Variants in RPS6KC1 observed in about 807,000 individuals in gnomAD.
RPS6KC1 encodes inactive ribosomal protein S6 kinase delta-1.
In RPS6KC1, 54 loss-of-function variants were observed where a neutral mutation model predicts 103.8. The observed-to-expected ratio is 0.52, with a 90% CI of 0.42 to 0.65. The LOEUF (loss-of-function observed/expected upper bound fraction) is 0.65. Among genes scored for constraint, RPS6KC1 ranks in the 30% least tolerant of loss-of-function variants. RPS6KC1 has a pLI of 0.00. For synonymous variants in RPS6KC1, 439 were observed against 438.7 expected (o/e 1.00, Z -0.01); for missense variants, 1,151 against 1,253.8 (o/e 0.92, Z 1.24).
At chr1:213,380,167 C>T in the RPS6KC1 span, among the ~76,000 whole-genome samples, 1 of 152,310 alleles carries the variant, frequency 6.6e-6, no homozygotes, top group East Asian at 1.9e-4. Flanking sequence ...AGATCATGTC[C>T]TTTGCAGCAG....
intron 2 of RPS6KC1, among the ~76,000 whole-genome samples, chr1:213,074,364 T>A (rs1374691842): frequency 6.6e-6 from 1 of 152,214 alleles, no homozygotes; most frequent in East Asian, 1.9e-4. Context: ...GAGACTTGGT[T>A]CAATAAAGAA....
the RPS6KC1 span, among the ~76,000 whole-genome samples, chr1:213,521,915 G>C: frequency 1.3e-5 from 2 of 152,108 alleles, no homozygotes; most frequent in African/African-American, 4.8e-5. Context: ...ATGAATGTTG[G>C]AATCGACTTC....
the RPS6KC1 span, among the ~76,000 whole-genome samples, chr1:213,676,895 T>C: frequency 2.0e-5 from 3 of 152,226 alleles, no homozygotes; most frequent in Non-Finnish European, 2.9e-5. Context: ...TACAGGAGGC[T>C]CCAGTTGTCA....
At chr1:213,346,022 CA>C in the RPS6KC1 span, among the ~76,000 whole-genome samples, 2 of 152,178 alleles carry the variant, frequency 1.3e-5, no homozygotes, top group Non-Finnish European at 1.5e-5. Context: ...AGAGAGCTCT[CA>C]TATACATCCC....
chr1:213,527,345 A>G, the RPS6KC1 span, among the ~76,000 whole-genome samples: 1 of 152,220 alleles, frequency 6.6e-6, no homozygotes, highest in Non-Finnish European at 1.5e-5. Flanking sequence ...CTGCAAATAT[A>G]TAGAGCCGAG....
intron 6 of RPS6KC1, among the ~76,000 whole-genome samples, chr1:213,153,716 C>T (rs1388606550): frequency 1.3e-5 from 2 of 152,132 alleles, no homozygotes; most frequent in Non-Finnish European, 2.9e-5. Context: ...ATGTCCTTTT[C>T]TTTCTGATTG....
At chr1:213,271,518 C>T (rs955311317) in intron 14 of RPS6KC1, among the ~76,000 whole-genome samples, 3 of 152,138 alleles carry the variant, frequency 2.0e-5, no homozygotes. Flanking sequence ...GTAATCCCAG[C>T]ACTTTGGGAG....
chr1:213,644,213 T>C, the RPS6KC1 span, among the ~76,000 whole-genome samples: 3 of 152,114 alleles, frequency 2.0e-5, no homozygotes, highest in Admixed American at 2.0e-4. Context: ...AAATATACTT[T>C]ATATTTTAGA....
chr1:213,503,130 G>C, the RPS6KC1 span, among the ~76,000 whole-genome samples: 1 of 149,390 alleles, frequency 6.7e-6, no homozygotes, highest in Non-Finnish European at 1.5e-5. Flanking sequence ...CTCTATGGCT[G>C]TTCCATCTCT....
the RPS6KC1 span, among the ~76,000 whole-genome samples, chr1:213,584,967 T>C: frequency 6.6e-6 from 1 of 152,182 alleles, no homozygotes; most frequent in African/African-American, 2.4e-5. Flanking sequence ...TACTCATAGT[T>C]TTCTTAGTAT....
the RPS6KC1 span, among the ~76,000 whole-genome samples, chr1:213,665,890 G>T: frequency 2.4e-4 from 37 of 152,232 alleles, no homozygotes; most frequent in Admixed American, 2.3e-3. Flanking sequence ...ATCATGGTAA[G>T]ACATCCAAGT....
At chr1:213,698,299 T>G in the RPS6KC1 span, among the ~76,000 whole-genome samples, 2 of 152,204 alleles carry the variant, frequency 1.3e-5, no homozygotes, top group Non-Finnish European at 2.9e-5. Context: ...AAAGTTCATT[T>G]TTAGTGGTTT....
the RPS6KC1 span, among the ~76,000 whole-genome samples, chr1:213,758,658 G>T: frequency 6.6e-6 from 1 of 152,090 alleles, no homozygotes; most frequent in East Asian, 1.9e-4. Context: ...GGAAGAGATT[G>T]ATTCCAAACT....
At chr1:213,780,444 A>T in the RPS6KC1 span, among the ~76,000 whole-genome samples, 1 of 152,208 alleles carries the variant, frequency 6.6e-6, no homozygotes, top group Non-Finnish European at 1.5e-5. Flanking sequence ...AATGCTACCC[A>T]AATAGGAGAT....
At chr1:213,747,824 T>C in the RPS6KC1 span, among the ~76,000 whole-genome samples, 6 of 152,082 alleles carry the variant, frequency 3.9e-5, no homozygotes, top group Admixed American at 6.5e-5. Flanking sequence ...TCAGAACAAA[T>C]AGAGTGGGGA....
intron 8 of RPS6KC1, among the ~76,000 whole-genome samples, chr1:213,218,102 C>T (rs1278583218): frequency 1.3e-5 from 2 of 152,158 alleles, no homozygotes; most frequent in African/African-American, 4.8e-5. Context: ...TTGCAGATGA[C>T]ATGATTATAT....
At chr1:213,443,367 T>A in the RPS6KC1 span, among the ~76,000 whole-genome samples, 1 of 152,212 alleles carries the variant, frequency 6.6e-6, no homozygotes, top group Non-Finnish European at 1.5e-5. Context: ...ATCTGTGATG[T>A]CCGTGATGTT....
At chr1:213,419,570 T>A in the RPS6KC1 span, among the ~76,000 whole-genome samples, 1 of 152,188 alleles carries the variant, frequency 6.6e-6, no homozygotes, top group Non-Finnish European at 1.5e-5. Context: ...ATCTACAGAC[T>A]CCATATCTGT....
the RPS6KC1 span, among the ~76,000 whole-genome samples, chr1:213,651,004 AAAGGGAGAGGCTGGCTG>A: frequency 6.6e-6 from 1 of 150,992 alleles, no homozygotes; most frequent in African/African-American, 2.4e-5. Context: ...AGGTGGGGAG[AAAGGGAGAGGCTGGCTG>A]AAGCCCAGAA....
Sources: gnomAD v4.1 joint callset for allele counts (sites outside exome capture counted in the v4.1 genomes callset) on GRCh38, gnomAD v4.1.1 for gene constraint, MANE v1.5 for transcripts, NCBI Gene and HGNC (gene_info 2026-07-23, HGNC 2026-07-21) for gene names.